The following PDE4D variants were observed in gnomAD, a reference collection of about 807,000 sequenced individuals.
The protein encoded by PDE4D is 3',5'-cyclic-AMP phosphodiesterase 4D.
PDE4D carries 24 observed loss-of-function variants against 87.4 expected under a neutral mutation model. That is an observed-to-expected ratio of 0.27 (90% CI 0.20 to 0.39). PDE4D has a LOEUF of 0.39. Among genes scored for constraint, PDE4D ranks in the 10% least tolerant of loss-of-function variants. The probability of loss-of-function intolerance (pLI) is 1.00; values close to 1 mark genes in which losing one functional copy is unlikely to be tolerated. For synonymous variants in PDE4D, 384 were observed against 383.2 expected (o/e 1.00, Z -0.02); for missense variants, 714 against 1,041.0 (o/e 0.69, Z 4.32).
At position 59,823,449 on chromosome 5, in the gene PDE4D, C is replaced by T. The variant is rs148563514; in HGVS notation, c.455+69719G>A. Among the ~76,000 whole-genome samples, 239 of 152,264 alleles carry T rather than the reference C, an allele frequency of 1.6e-3. 1 individual carries two copies. Among genetic ancestry groups the T allele is most frequent in the African/African-American group, 5.6e-3 (231 of 41,558 alleles). On this transcript the variant is annotated intron_variant, in intron 1 of 14. Transcript: ENST00000340635. ...GGAGGGAAGGACAGAGCTTGCCCAG[C>T]AAAGCTTTAGCCAAGAGAGGAGTCG...
At chr5:59,155,154 C>G (rs1779977723) in intron 5 of PDE4D, among the ~76,000 whole-genome samples, 1 of 152,018 alleles carries the variant, frequency 6.6e-6, no homozygotes, top group South Asian at 2.1e-4. Context: ...ATGGAAAATA[C>G]AACTATGAGG....
intron 3 of PDE4D, among the ~76,000 whole-genome samples, chr5:59,980,722 C>A (rs543040545): frequency 6.6e-6 from 1 of 152,182 alleles, no homozygotes; most frequent in East Asian, 1.9e-4. Context: ...ACTGTGATAA[C>A]CTGAAAAAGA....
intron 1 of PDE4D, among the ~76,000 whole-genome samples, chr5:59,529,441 C>T (rs190123985): frequency 6.6e-6 from 1 of 152,228 alleles, no homozygotes; most frequent in East Asian, 1.9e-4. Flanking sequence ...AAGCCAATGA[C>T]ACAGAGCCAG....
intron 3 of PDE4D, among the ~76,000 whole-genome samples, chr5:59,904,730 G>C (rs1385725517): frequency 1.3e-5 from 2 of 152,142 alleles, no homozygotes; most frequent in African/African-American, 4.8e-5. Flanking sequence ...AAAGAGAGAG[G>C]ATAGGTACCT....
At chr5:60,513,929 A>C (rs1750682272) in intron 1 of PDE4D, among the ~76,000 whole-genome samples, 1 of 150,764 alleles carries the variant, frequency 6.6e-6, no homozygotes, top group African/African-American at 2.4e-5. Context: ...TATAATTATA[A>C]TTATATAAGA....
chr5:59,312,803 G>C (rs755876426), intron 1 of PDE4D, among the ~76,000 whole-genome samples: 1 of 152,136 alleles, frequency 6.6e-6, no homozygotes, highest in Non-Finnish European at 1.5e-5. Flanking sequence ...GAAATGCAGG[G>C]ACAAGATGCA....
chr5:60,044,178 T>G (rs1008325295), intron 2 of PDE4D, among the ~76,000 whole-genome samples: 1 of 152,136 alleles, frequency 6.6e-6, no homozygotes, highest in Non-Finnish European at 1.5e-5. Flanking sequence ...ATACAAGACA[T>G]GATAAATGCC....
intron 1 of PDE4D, among the ~76,000 whole-genome samples, chr5:59,678,241 A>G (rs1016721607): frequency 2.6e-5 from 4 of 152,318 alleles, no homozygotes; most frequent in Middle Eastern, 6.8e-3. Context: ...TTCTTATTGT[A>G]AAAGTAACAA....
chr5:59,811,590 C>T (rs569167338), intron 1 of PDE4D, among the ~76,000 whole-genome samples: 1 of 152,294 alleles, frequency 6.6e-6, no homozygotes, highest in Admixed American at 6.5e-5. Context: ...CTCAGGTTTC[C>T]AGAAAGCAGT....
At chr5:59,852,638 A>G (rs1006552595) in intron 1 of PDE4D, among the ~76,000 whole-genome samples, 4 of 152,096 alleles carry the variant, frequency 2.6e-5, no homozygotes, top group Non-Finnish European at 4.4e-5. Context: ...AGTTTCTCTT[A>G]AATTACTACA....
rs552460995 is a variant in PDE4D at position 59,275,264 on chromosome 5, A to G, written c.456-59296T>C. Reference sequence around the variant, plus strand: ...TTTCACAAAGCCTCGACATCACACAACTTACTAAATACTCAAGGAGTACGT... The same window carrying G: ...TTTCACAAAGCCTCGACATCACACAGCTTACTAAATACTCAAGGAGTACGT... On this transcript the variant is annotated intron_variant, in intron 1 of 14. Transcript: ENST00000340635. 347 of 1,202,996 alleles carry G rather than the reference A, an allele frequency of 2.9e-4. 8 individuals are homozygous for G. The South Asian group carries it at 4.1e-3, about 14-fold the overall frequency. The allele number at this position is 1,202,996 out of a possible 1,614,324, so 74.5% of individuals were successfully genotyped here.
intron 12 of PDE4D, 40 bp downstream of exon 12, chr5:58,977,151 G>A (rs1456184127): frequency 6.4e-7 from 1 of 1,552,452 alleles, no homozygotes; most frequent in Admixed American, 2.0e-5. Context: ...TAAACAACTT[G>A]CATCACAGTT....
intron 2 of PDE4D, among the ~76,000 whole-genome samples, chr5:60,082,090 G>A (rs1481148326): frequency 2.6e-5 from 4 of 152,064 alleles, no homozygotes; most frequent in Non-Finnish European, 5.9e-5. Flanking sequence ...CTCTGAAAGG[G>A]ACATTTCCTC....
intron 1 of PDE4D, among the ~76,000 whole-genome samples, chr5:59,857,771 C>T (rs1191172507): frequency 1.3e-5 from 2 of 151,052 alleles, no homozygotes; most frequent in African/African-American, 2.4e-5. Flanking sequence ...AAATCTATAA[C>T]ATCAAATGAG....
chr5:60,153,371 G>T (rs1284254132), intron 2 of PDE4D, among the ~76,000 whole-genome samples: 1 of 152,050 alleles, frequency 6.6e-6, no homozygotes, highest in Non-Finnish European at 1.5e-5. Flanking sequence ...CAAAAGAAAA[G>T]AAGTGTTAGT....
intron 1 of PDE4D, among the ~76,000 whole-genome samples, chr5:59,371,946 G>T (rs535297996): frequency 1.3e-5 from 2 of 152,182 alleles, no homozygotes; most frequent in South Asian, 2.1e-4. Flanking sequence ...ACCTCCTGGG[G>T]CTGTATAACC....
chr5:59,377,374 G>A (rs1462524206), intron 1 of PDE4D, among the ~76,000 whole-genome samples: 2 of 150,434 alleles, frequency 1.3e-5, no homozygotes, highest in East Asian at 3.9e-4. Flanking sequence ...CTGAGATCAT[G>A]CCACTGCACT....
At chr5:59,646,386 G>C (rs774404650) in intron 1 of PDE4D, among the ~76,000 whole-genome samples, 5 of 152,116 alleles carry the variant, frequency 3.3e-5, no homozygotes, top group African/African-American at 4.8e-5. Context: ...GTGATATTCA[G>C]CATTTTAAGG....
intron 6 of PDE4D, chr5:58,999,467 T>C: frequency 7.4e-7 from 1 of 1,346,702 alleles, no homozygotes; most frequent in Middle Eastern, 1.9e-4. Flanking sequence ...TAAGGAGTTT[T>C]CAAAAGCTAA....
Sources: allele counts gnomAD v4.1 joint callset (sites outside exome capture counted in the v4.1 genomes callset), GRCh38; gene constraint gnomAD v4.1.1; transcripts MANE v1.5; gene names NCBI Gene and HGNC (gene_info 2026-07-23, HGNC 2026-07-21).